The following MORC1 variants were observed in gnomAD, a reference collection of about 807,000 sequenced individuals.
MORC1 encodes MORC family CW-type zinc finger 1, also known as MORC family CW-type zinc finger protein 1.
Under a neutral mutation model 134.9 loss-of-function variants are expected in MORC1, and 59 were observed. The ratio of observed to expected loss-of-function variants is 0.44; its 90% CI spans 0.35 to 0.54. The LOEUF (loss-of-function observed/expected upper bound fraction) is 0.54, where lower values mean the gene tolerates loss of function less well. Ranked by LOEUF, MORC1 falls within the 20% of genes least tolerant of loss-of-function variation. The pLI, the probability that MORC1 is intolerant of heterozygous loss-of-function variation, is 0.00. For missense variants in MORC1, 947 were observed against 1,134.5 expected (o/e 0.83, Z 2.37); for synonymous variants, 395 against 391.7 (o/e 1.01, Z -0.10).
rs546886453 is a variant in MORC1, at chr3:108,968,957, T to TTA, written c.2604+711_2604+712insTA. On this transcript the variant is annotated intron_variant, in intron 26 of 27. Coordinates refer to ENST00000232603, the MANE Select transcript of MORC1 (RefSeq NM_014429.4). ...AGTTCACATCTTGGAGTACCAGGGT[T>TTA]TTTTTTTTTATTATTAAGTGTAAAA... is the stretch of plus-strand genomic sequence containing the variant. Among the ~76,000 whole-genome samples, 100 of 150,162 alleles carry TTA rather than the reference T, an allele frequency of 6.7e-4. 1 individual carries two copies. The highest frequency in any genetic ancestry group is 2.2e-3 in the African/African-American group (91 of 40,996).
intron 14 of MORC1, among the ~76,000 whole-genome samples, chr3:109,041,180 G>A (rs560915320): frequency 2.0e-5 from 3 of 151,424 alleles, no homozygotes; most frequent in Admixed American, 6.6e-5. Context: ...GCGTGGTGGC[G>A]GGCGCCTGTA....
At chr3:109,060,884 A>G (rs1482876823) in intron 11 of MORC1, among the ~76,000 whole-genome samples, 3 of 152,138 alleles carry the variant, frequency 2.0e-5, no homozygotes, top group African/African-American at 4.8e-5. Flanking sequence ...ACTCTCAAAC[A>G]TACAAAGCAA....
At chr3:109,010,687 C>A (rs1359874020) in intron 17 of MORC1, among the ~76,000 whole-genome samples, 1 of 152,216 alleles carries the variant, frequency 6.6e-6, no homozygotes, top group Non-Finnish European at 1.5e-5. Context: ...CCATCCCTAA[C>A]CAACCACTGA....
Position 109,010,510 on chromosome 3 carries a change from T to G in MORC1, c.1705-3419A>C, listed in dbSNP as rs79125287. Among the ~76,000 whole-genome samples, 1,019 of 152,300 alleles carry G rather than the reference T, an allele frequency of 6.7e-3. 35 individuals carry two copies. In the East Asian group the frequency reaches 0.081, roughly 12 times the overall value. On this transcript the variant is annotated intron_variant, in intron 17 of 27. Transcript: ENST00000232603. Reference sequence around the variant, plus strand: ...CTGATGTGCATTTTAATTTTTCTTTTCTCTAATTTACAGCTTTAGTGAGAT... The same window carrying G: ...CTGATGTGCATTTTAATTTTTCTTTGCTCTAATTTACAGCTTTAGTGAGAT...
chr3:109,032,403 C>A (rs1393237507), intron 16 of MORC1, among the ~76,000 whole-genome samples: 1 of 152,080 alleles, frequency 6.6e-6, no homozygotes, highest in Non-Finnish European at 1.5e-5. Context: ...CACTCCTGTA[C>A]AATAAGGACA....
At chr3:108,965,517 A>C (rs1947195704) in intron 26 of MORC1, among the ~76,000 whole-genome samples, 1 of 152,188 alleles carries the variant, frequency 6.6e-6, no homozygotes, top group Non-Finnish European at 1.5e-5. Flanking sequence ...CTGAGTGGAT[A>C]TGACTATAAA....
At chr3:109,108,082 G>A (rs1014362937) in intron 3 of MORC1, among the ~76,000 whole-genome samples, 7 of 152,086 alleles carry the variant, frequency 4.6e-5, no homozygotes, top group Non-Finnish European at 1.0e-4. Context: ...CCAGCTACTG[G>A]AAAGGCAGAG....
chr3:109,068,974 G>A (rs890079673), intron 9 of MORC1, among the ~76,000 whole-genome samples: 3 of 152,144 alleles, frequency 2.0e-5, no homozygotes, highest in Non-Finnish European at 4.4e-5. Context: ...TGGTCAACAT[G>A]GTGAAACCTC....
intron 24 of MORC1, among the ~76,000 whole-genome samples, chr3:108,977,706 G>A (rs780625230): frequency 6.6e-6 from 1 of 152,152 alleles, no homozygotes; most frequent in Non-Finnish European, 1.5e-5. Flanking sequence ...TTTAGGACCA[G>A]TAACATATCA....
At chr3:108,988,444 A>AAAGTGTATGTTTTATTTACTTCTGATT (rs1230899181) in intron 21 of MORC1, among the ~76,000 whole-genome samples, 8 of 152,336 alleles carry the variant, frequency 5.3e-5, no homozygotes, top group Admixed American at 3.9e-4. Context: ...AAGTGACCTT[A>AAAGTGTATGTTTTATTTACTTCTGATT]AAGTGTATGT....
chr3:109,060,705 C>A (rs904305034), intron 11 of MORC1, among the ~76,000 whole-genome samples: 8 of 152,110 alleles, frequency 5.3e-5, no homozygotes, highest in Non-Finnish European at 1.2e-4. Flanking sequence ...CTGCTTTGCT[C>A]TCTTCTCTGC....
intron 26 of MORC1, among the ~76,000 whole-genome samples, chr3:108,967,121 C>A (rs191807357): frequency 2.0e-4 from 30 of 152,236 alleles, no homozygotes; most frequent in Non-Finnish European, 3.1e-4. Flanking sequence ...GGTCTCCTGA[C>A]TGTTTATCTC....
Position 109,005,197 on chromosome 3 carries a change from T to C in MORC1, c.1886A>G (p.Asp629Gly), listed in dbSNP as rs925443903. ...TTCTGAAATATACTCTACATCAGAG[T>C]CTGTCTCTTCTATGTTTCTTTTCTG... ...RGQKRNIEET[D>G]SDVEYISETK... Residue 629 changes from aspartate (D) to glycine (G), a missense_variant, in exon 19 of 28, where the codon GAC (aspartate) becomes GGC (glycine). This residue lies in a region of MORC1 where 722 missense variants were observed against 817.0 expected (regional missense o/e 0.88). Coordinates refer to ENST00000232603, the MANE Select transcript of MORC1 (RefSeq NM_014429.4). The C allele has an allele frequency of 8.1e-6, 13 of 1,613,844 alleles. No individual in the cohort carries two copies. The highest frequency in any genetic ancestry group is 6.7e-5 in the Admixed American group (4 of 59,944).
In MORC1 at chr3:108,997,295, G is replaced by A. The variant is rs185299835; in HGVS notation, c.2187+3262C>T. Among the ~76,000 whole-genome samples, 204 of 152,306 alleles carry A rather than the reference G, an allele frequency of 1.3e-3. 1 individual carries two copies. The highest frequency in any genetic ancestry group is 1.6e-4 in the Non-Finnish European group (11 of 68,032). On this transcript the variant is annotated intron_variant, in intron 21 of 27. Coordinates refer to ENST00000232603, the MANE Select transcript of MORC1 (RefSeq NM_014429.4). ...TGCCTGTAATCCCACCACTTTGGGA[G>A]GCCAAGGTGGGTGGATCACTTGAGG...
At chr3:109,115,849 T>A (rs1417341109) in intron 1 of MORC1, among the ~76,000 whole-genome samples, 1 of 152,194 alleles carries the variant, frequency 6.6e-6, no homozygotes, top group Non-Finnish European at 1.5e-5. Context: ...AGATTTTGAC[T>A]GAGTGCTAAC....
intron 7 of MORC1, among the ~76,000 whole-genome samples, chr3:109,094,498 C>T (rs965186133): frequency 1.3e-5 from 2 of 152,230 alleles, no homozygotes; most frequent in Non-Finnish European, 2.9e-5. Context: ...GTCTGCAATA[C>T]TTTTGCTAAC....
intron 21 of MORC1, among the ~76,000 whole-genome samples, chr3:108,989,050 T>C (rs749053739): frequency 1.3e-5 from 2 of 152,188 alleles, no homozygotes; most frequent in Non-Finnish European, 2.9e-5. Context: ...TACAGTATTT[T>C]CTTTGAAATA....
chr3:109,115,572 C>A (rs1951253438), intron 1 of MORC1, among the ~76,000 whole-genome samples: 1 of 152,118 alleles, frequency 6.6e-6, no homozygotes, highest in African/African-American at 2.4e-5. Flanking sequence ...AAAATCAGGA[C>A]TTTAAATCAC....
At chr3:108,994,628 C>T (rs556038873) in intron 21 of MORC1, among the ~76,000 whole-genome samples, 1 of 152,000 alleles carries the variant, frequency 6.6e-6, no homozygotes, top group South Asian at 2.1e-4. Context: ...TCTACAATGT[C>T]GGTTTGGAGA....
Sources: gnomAD v4.1 joint callset for allele counts (sites outside exome capture counted in the v4.1 genomes callset) on GRCh38, gnomAD v4.1.1 for gene constraint, gnomAD v4.1.1 regional missense constraint, MANE v1.5 for transcripts, NCBI Gene and HGNC (gene_info 2026-07-23, HGNC 2026-07-21) for gene names.